Variants in SPG11 observed in about 807,000 individuals in gnomAD.
SPG11 encodes spatacsin.
In SPG11, 222 loss-of-function variants were observed where a neutral mutation model predicts 274.0. The observed-to-expected ratio is 0.81, with a 90% CI of 0.73 to 0.91. The LOEUF is 0.91. SPG11 is among the 40% of genes least tolerant of loss of function. SPG11 has a pLI of 0.00. For synonymous variants in SPG11, 1,144 were observed against 1,039.7 expected (o/e 1.10, Z -1.93); for missense variants, 3,114 against 2,872.7 (o/e 1.08, Z -1.92).
chr15:44,582,631 A>C lies in SPG11; in HGVS notation c.5866+1183T>G, dbSNP rs77889031. Reference sequence around the variant, plus strand: ...TGTAAAAATCTTTAACAAAACAGCAAATTGATTCCAGCAAAAAATCAAAAA... The same window carrying C: ...TGTAAAAATCTTTAACAAAACAGCACATTGATTCCAGCAAAAAATCAAAAA... On this transcript the variant is annotated intron_variant, in intron 30 of 39. Coordinates refer to ENST00000261866, the MANE Select transcript of SPG11 (RefSeq NM_025137.4). 3.7e-3 allele frequency among the ~76,000 whole-genome samples: 571 copies of C among 152,284 alleles called. 26 individuals are homozygous for C. In the East Asian group the frequency reaches 0.089, roughly 24 times the overall value.
chr15:44,642,132 T>C (rs184342341), intron 7 of SPG11, among the ~76,000 whole-genome samples: 1 of 151,450 alleles, frequency 6.6e-6, no homozygotes, highest in East Asian at 2.0e-4. Flanking sequence ...TTTGGGAGGC[T>C]GAGGCAGGAG....
intron 30 of SPG11, among the ~76,000 whole-genome samples, chr15:44,583,487 A>C (rs753302861): frequency 3.7e-4 from 56 of 152,316 alleles, no homozygotes; most frequent in Non-Finnish European, 6.5e-4. Flanking sequence ...AACCAAAAAG[A>C]AAAACAAAAA....
intron 7 of SPG11, among the ~76,000 whole-genome samples, chr15:44,645,107 T>C (rs962010927): frequency 1.3e-5 from 2 of 152,228 alleles, no homozygotes; most frequent in African/African-American, 4.8e-5. Context: ...AGATCCTGAA[T>C]AGCCAAAGCG....
At chr15:44,595,713 C>T (rs1244008031) in intron 25 of SPG11, among the ~76,000 whole-genome samples, 1 of 152,166 alleles carries the variant, frequency 6.6e-6, no homozygotes, top group Non-Finnish European at 1.5e-5. Context: ...AAGTACTAAT[C>T]ATAAGAGAGT....
chr15:44,651,457 C>A (rs1254916455), intron 6 of SPG11, 34 bp downstream of exon 6: 1 of 1,576,984 alleles, frequency 6.3e-7, no homozygotes, highest in Admixed American at 1.7e-5. Flanking sequence ...TACATCTCAG[C>A]AATGGATTTC....
Position 44,661,989 on chromosome 15 carries a change from C to G in SPG11, c.258-1373G>C, listed in dbSNP as rs78504190. ...AATTTCATGAACTAGCATATGAACG[C>G]CCCCTTTATTTCATCTCGGTCTTAC... is the stretch of plus-strand genomic sequence containing the variant. On this transcript the variant is annotated intron_variant, in intron 1 of 39. Transcript: ENST00000261866. Among the ~76,000 whole-genome samples, 585 of 152,218 alleles carry G rather than the reference C, an allele frequency of 3.8e-3. 2 individuals are homozygous for G. Among genetic ancestry groups the G allele is most frequent in the African/African-American group, 0.014 (576 of 41,524 alleles).
rs2083975912 is a variant in SPG11, at chr15:44,628,826, T to G, written c.1910A>C (p.Gln637Pro). ...GCTAGTCAAAATGTTCACTCCTTTTTGCAGATGTTCATCTAGTTCTATGGA... is the reference window on the plus strand; with the variant it reads ...GCTAGTCAAAATGTTCACTCCTTTTGGCAGATGTTCATCTAGTTCTATGGA... The part of the protein sequence containing the change: ...IHTEELDEHL[Q>P]KGVNILTSYI... Residue 637 changes from glutamine to proline, a missense_variant, in exon 10 of 40, where the codon CAA becomes CCA. Gln to Pro is a moderately conservative substitution (Grantham distance 76, BLOSUM62 -1). Transcript: ENST00000261866. 1 of 1,613,418 alleles carries G rather than the reference T, an allele frequency of 6.2e-7. No homozygotes were observed. Among genetic ancestry groups the G allele is most frequent in the Non-Finnish European group, 8.5e-7 (1 of 1,179,952 alleles).
rs1555447591 is a variant in SPG11, at chr15:44,573,704, A to G, written c.6048T>C (p.Gly2016=). Residue 2016 remains glycine (G), a synonymous_variant, in exon 32 of 40, where the codon GGT becomes GGC. Transcript: ENST00000261866. The part of the protein sequence containing the change: ...CSYTDVAAQD[G]EAMLRKILAS... ...CCAAGATTTTCCGGAGCATGGCTTC[A>G]CCATCCTGAGCAGCAACATCTGTGT... The G allele has an allele frequency of 2.1e-5, 34 of 1,614,092 alleles. No individual in the cohort carries two copies. The South Asian group carries it at 3.3e-4, about 16-fold the overall frequency.
intron 20 of SPG11, chr15:44,604,190 C>T: frequency 2.4e-6 from 1 of 420,974 alleles, no homozygotes; most frequent in South Asian, 1.7e-5. Context: ...CACATTGTGA[C>T]CTGATTCCTA....
Position 44,600,551 on chromosome 15 carries a change from T to A in SPG11, c.3602A>T (p.Tyr1201Phe), listed in dbSNP as rs762351328. 3 of 1,614,172 alleles carry A rather than the reference T, an allele frequency of 1.9e-6. No individual in the cohort carries two copies. Among genetic ancestry groups the A allele is most frequent in the East Asian group, 4.5e-5 (2 of 44,882 alleles). Reference protein sequence around the residue: ...YAIVERLNFAYYLHNGRPSFA... With the variant: ...YAIVERLNFAFYLHNGRPSFA... ...TGATGGCCGCCCATTATGTAAATAA[T>A]AAGCAAAATTCAGACGTTCCACTAT... Residue 1201 changes from tyrosine (Y) to phenylalanine (F), a missense_variant, in exon 21 of 40, where the codon TAT becomes TTT. Physicochemically the swap from Tyr to Phe is conservative, Grantham distance 22. Transcript: ENST00000261866.
intron 7 of SPG11, among the ~76,000 whole-genome samples, chr15:44,637,109 T>C (rs1416470494): frequency 6.6e-6 from 1 of 152,050 alleles, no homozygotes; most frequent in Non-Finnish European, 1.5e-5. Flanking sequence ...ATAGTAATTC[T>C]AAAAATAAAA....
rs1166497955 is a variant in SPG11, at chr15:44,656,444, T to A, written c.869+651A>T. On this transcript the variant is annotated intron_variant, in intron 4 of 39. Transcript: ENST00000261866. Reference sequence around the variant, plus strand: ...AGTAACTGTATGATGGATCACAGAATCTATGCTGGAAAGAGAGGGAAGTGA... The same window carrying A: ...AGTAACTGTATGATGGATCACAGAAACTATGCTGGAAAGAGAGGGAAGTGA... Among the ~76,000 whole-genome samples, 30 of 152,154 alleles carry A rather than the reference T, an allele frequency of 2.0e-4. 1 individual carries two copies. The highest frequency in any genetic ancestry group is 1.4e-3 in the Admixed American group (22 of 15,280).
chr15:44,600,770 A>G, intron 20 of SPG11, 138 bp from the exon 21 acceptor site: 1 of 901,486 alleles, frequency 1.1e-6, no homozygotes, highest in East Asian at 2.6e-5. Context: ...AATCTACCAA[A>G]ATCTGATTTA....
rs2140972253 is a variant in SPG11, at chr15:44,596,305, C to T, written c.4212G>A (p.Arg1404=). Residue 1404 remains arginine (R), a synonymous_variant, in exon 25 of 40, where the codon AGG becomes AGA. Transcript: ENST00000261866. ...YFSPVIQDHL[R]LAFENLPSVP... is the part of the protein sequence containing the mutation. Reference sequence around the variant, plus strand: ...CTGAGGGCAAGTTCTCAAAAGCCAGCCTTAAGTGGTCTTGAATGACTGGGC... The same window carrying T: ...CTGAGGGCAAGTTCTCAAAAGCCAGTCTTAAGTGGTCTTGAATGACTGGGC... 1.2e-6 allele frequency: 2 copies of T among 1,614,114 alleles called. No homozygotes were observed. Among genetic ancestry groups the T allele is most frequent in the Non-Finnish European group, 1.7e-6 (2 of 1,180,002 alleles).
chr15:44,603,930 T>C (rs2083257693), intron 20 of SPG11, among the ~76,000 whole-genome samples: 1 of 152,088 alleles, frequency 6.6e-6, no homozygotes, highest in African/African-American at 2.4e-5. Flanking sequence ...CCATCTGAGG[T>C]TGGTTGAATC....
intron 32 of SPG11, 74 bp from the exon 33 acceptor site, chr15:44,572,894 G>A (rs2082452309): frequency 2.0e-6 from 3 of 1,512,006 alleles, no homozygotes; most frequent in Non-Finnish European, 2.8e-6. Context: ...TTAGGCACCA[G>A]GAGGTAATGC....
At chr15:44,624,621 T>TTAA (rs1290545372) in intron 11 of SPG11, among the ~76,000 whole-genome samples, 1 of 152,158 alleles carries the variant, frequency 6.6e-6, no homozygotes, top group Admixed American at 6.5e-5. Context: ...GTAACTAAAG[T>TTAA]TAATAATAAT....
chr15:44,655,599 C>T (rs1199233882), intron 4 of SPG11, among the ~76,000 whole-genome samples: 3 of 151,964 alleles, frequency 2.0e-5, no homozygotes, highest in Non-Finnish European at 4.4e-5. Context: ...TTTTCTGTAG[C>T]TTACTTTATT....
At chr15:44,574,879 G>A (rs753262708) in intron 31 of SPG11, 23 bp downstream of exon 31, 2 of 1,613,266 alleles carry the variant, frequency 1.2e-6, no homozygotes, top group Non-Finnish European at 1.7e-6. Context: ...TCAGAAAGAG[G>A]AGCCCCACCC....
Sources: allele counts gnomAD v4.1 joint callset (sites outside exome capture counted in the v4.1 genomes callset), GRCh38; gene constraint gnomAD v4.1.1; transcripts MANE v1.5; gene names NCBI Gene and HGNC (gene_info 2026-07-23, HGNC 2026-07-21).